The following GJA3 variants were observed in gnomAD, a reference collection of about 807,000 sequenced individuals.
GJA3 encodes the protein gap junction alpha-3 protein.
For missense variants in GJA3, 571 were observed against 620.3 expected (o/e 0.92, Z 0.84); for synonymous variants, 297 against 292.6 (o/e 1.02, Z -0.15).
chr13:20,149,288 T>C (rs1224084822), intron 1 of GJA3, among the ~76,000 whole-genome samples: 2 of 151,848 alleles, frequency 1.3e-5, no homozygotes, highest in Admixed American at 6.6e-5. Flanking sequence ...AGCCCAGGAG[T>C]TCAGGGGCAG....
intron 1 of GJA3, among the ~76,000 whole-genome samples, chr13:20,150,953 C>T (rs1379876018): frequency 2.6e-5 from 4 of 152,212 alleles, no homozygotes; most frequent in African/African-American, 7.2e-5. Context: ...CAATGCAGTG[C>T]AGATGGGTAG....
intron 1 of GJA3, among the ~76,000 whole-genome samples, chr13:20,157,334 A>G (rs1176671046): frequency 2.6e-5 from 4 of 152,212 alleles, no homozygotes; most frequent in Admixed American, 6.5e-5. Context: ...CACTGACCTC[A>G]TAAACACAGT....
At position 20,142,043 on chromosome 13, in the gene GJA3, G is replaced by A. The variant is rs1292275593; in HGVS notation, c.1246C>T (p.Arg416Trp). The stretch of plus-strand genomic sequence containing the variant: ...CTGGCCCTGCTGGCCTTGCTGGCCC[G>A]ACCTGGGTCTCCGAGGGGCAAGGGC... ...QPPLPLGDPG[R>W]ASKASRASSG... Residue 416 changes from arginine to tryptophan, a missense_variant, in exon 2 of 2, where the codon CGG becomes TGG. Arg to Trp is a moderately radical substitution (Grantham distance 101). Coordinates refer to ENST00000241125, the MANE Select transcript of GJA3 (RefSeq NM_021954.4). 1.2e-5 allele frequency: 18 copies of A among 1,550,330 alleles called. No homozygotes were observed. The highest frequency in any genetic ancestry group is 1.5e-5 in the Non-Finnish European group (17 of 1,146,828).
rs753054758 is a variant in GJA3 at position 20,142,936 on chromosome 13, T to C, written c.353A>G (p.Glu118Gly). Residue 118 changes from glutamate to glycine, a missense_variant, in exon 2 of 2, where the codon GAG (glutamate) becomes GGG (glycine). Transcript: ENST00000241125. The stretch of plus-strand genomic sequence containing the variant: ...CGGTGGCTCCTTGGGGCTGGGGCTC[T>C]CTCTCTTCAGCTGCTCCTCCTCCTC... ...EREEEEQLKR[E>G]SPSPKEPPQD... 1.9e-6 allele frequency: 3 copies of C among 1,577,048 alleles called. No homozygotes were observed. The South Asian group carries it at 3.4e-5, about 18-fold the overall frequency.
Position 20,140,040 on chromosome 13 carries a change from G to A in GJA3, c.*1941C>T, listed in dbSNP as rs960605395. 4 of 152,080 alleles carry A rather than the reference G, an allele frequency of 2.6e-5. No individual in the cohort carries two copies. The highest frequency in any genetic ancestry group is 4.4e-5 in the Non-Finnish European group (3 of 68,050). The allele number at this position is 152,080 out of a possible 1,614,324, so 9.4% of individuals were successfully genotyped here. A position where few individuals can be genotyped will look rare whatever the true frequency, so the allele number is the denominator to read the frequency against. ...AGCCCTTATCACTCACAAGAACTAA[G>A]TCCTGCTGCCCTAGGCCTATGGCAT... On this transcript the variant is annotated 3_prime_UTR_variant, in exon 2 of 2. Coordinates refer to ENST00000241125, the MANE Select transcript of GJA3 (RefSeq NM_021954.4).
chr13:20,149,552 A>G (rs1156904499), intron 1 of GJA3, among the ~76,000 whole-genome samples: 2 of 152,202 alleles, frequency 1.3e-5, no homozygotes, highest in Admixed American at 1.3e-4. Context: ...GTGGAGGTGG[A>G]AAAATTCAGC....
chr13:20,150,368 T>C (rs1199958937), intron 1 of GJA3, among the ~76,000 whole-genome samples: 1 of 117,480 alleles, frequency 8.5e-6, no homozygotes, highest in Admixed American at 8.9e-5. Context: ...AGACCACTGC[T>C]CCTGGTGTGT....
chr13:20,142,857 C>T lies in GJA3; in HGVS notation c.432G>A (p.Ala144=), dbSNP rs1365747692. 4.3e-6 allele frequency: 7 copies of T among 1,611,846 alleles called. No individual in the cohort carries two copies. Among genetic ancestry groups the T allele is most frequent in the Middle Eastern group, 1.6e-4 (1 of 6,082 alleles). The change falls in exon 2 of 2, where the codon GCG becomes GCA. Residue 144 remains alanine, a synonymous_variant. Transcript: ENST00000241125. ...TGTTGAAGACGTAGGTCCGCAGCAG[C>T]GCCCCGGCCATGCGCACCCTGCCGC... ...DDRGRVRMAG[A]LLRTYVFNII...
At position 20,142,736 on chromosome 13, in the gene GJA3, G is replaced by T; in HGVS notation, c.553C>A (p.Pro185Thr). The T allele has an allele frequency of 6.2e-7, 1 of 1,613,780 alleles. No individual in the cohort carries two copies. Among genetic ancestry groups the T allele is most frequent in the African/African-American group, 1.3e-5 (1 of 75,052 alleles). Residue 185 changes from proline (P) to threonine (T), a missense_variant, in exon 2 of 2, where the codon CCC (proline) becomes ACC (threonine). Transcript: ENST00000241125. ...LKPLYRCDRWPCPNTVDCFIS... is the reference protein window; with the variant it reads ...LKPLYRCDRWTCPNTVDCFIS... The stretch of plus-strand genomic sequence containing the variant: ...AAGCAGTCCACCGTGTTGGGGCAGG[G>T]CCAGCGGTCGCAGCGGTAGAGCGGC...
chr13:20,156,793 C>T (rs968408988), intron 1 of GJA3, among the ~76,000 whole-genome samples: 30 of 152,248 alleles, frequency 2.0e-4, no homozygotes, highest in African/African-American at 5.8e-4. Flanking sequence ...GCACCATTTC[C>T]ACAGGGAGTT....
chr13:20,161,101 C>A, upstream of GJA3: 1 of 153,626 alleles, frequency 6.5e-6, no homozygotes, highest in South Asian at 1.8e-4. Context: ...GCGCCACGCC[C>A]CCGCCGCCTC....
Position 20,143,062 on chromosome 13 carries a change from CG to C in GJA3, c.226del (p.Arg76AlafsTer40), listed in dbSNP as rs758365384. 1 of 1,613,770 alleles carries C rather than the reference CG, an allele frequency of 6.2e-7. No homozygotes were observed. The highest frequency in any genetic ancestry group is 1.1e-5 in the South Asian group (1 of 90,996). ...GAAGATGATCTGCAGCGCCCAGAAGCGGATGTGGGAGATGGGGAAGGCCCTG... is the reference window on the plus strand; with the variant it reads ...GAAGATGATCTGCAGCGCCCAGAAGCGATGTGGGAGATGGGGAAGGCCCTG... ...YDRAFPISHI[R>X]FWALQIIFVS... is the part of the protein sequence containing the mutation. On this transcript the variant is annotated frameshift_variant, in exon 2 of 2. Coordinates refer to ENST00000241125, the MANE Select transcript of GJA3 (RefSeq NM_021954.4). LOFTEE classifies it low-confidence loss of function (END_TRUNC).
chr13:20,143,331 A>G, intron 1 of GJA3, 26 bp from the exon 2 acceptor site: 1 of 1,468,248 alleles, frequency 6.8e-7, no homozygotes, highest in Non-Finnish European at 9.0e-7. Flanking sequence ...GCTCATGAAC[A>G]CCGGGCTGCA....
intron 1 of GJA3, among the ~76,000 whole-genome samples, chr13:20,159,376 T>C (rs1958924033): frequency 7.3e-6 from 1 of 137,428 alleles, no homozygotes. Flanking sequence ...ACGCCTGTAG[T>C]CCCAGCTACT....
intron 1 of GJA3, among the ~76,000 whole-genome samples, chr13:20,147,000 C>G (rs148892775): frequency 1.3e-5 from 2 of 152,210 alleles, no homozygotes; most frequent in South Asian, 4.1e-4. Context: ...TTCATCCTCC[C>G]TTGTGGCTGG....
rs917942309 is a variant in GJA3, at chr13:20,141,442, C to T, written c.*539G>A. The T allele has an allele frequency of 9.2e-5, 14 of 152,664 alleles. No individual in the cohort carries two copies. Among genetic ancestry groups the T allele is most frequent in the African/African-American group, 3.4e-4 (14 of 41,446 alleles). 9.5% of individuals were successfully genotyped at this position (152,664 alleles called of 1,614,324 possible). ...CATGCAATTTCGGAAACTCAAATGA[C>T]ACTACATAGACTTGCTGTAAATCTT... On this transcript the variant is annotated 3_prime_UTR_variant, in exon 2 of 2. Transcript: ENST00000241125.
chr13:20,149,059 C>G (rs1358491953), intron 1 of GJA3, among the ~76,000 whole-genome samples: 1 of 152,202 alleles, frequency 6.6e-6, no homozygotes, highest in Non-Finnish European at 1.5e-5. Flanking sequence ...TGAAAAGTTA[C>G]GTTTTCCTTT....
chr13:20,142,155 G>C lies in GJA3; in HGVS notation c.1134C>G (p.Ser378Arg), dbSNP rs1958811326. ...GGGCGCTCCCCTCCAGACTGCTGCC[G>C]CTCCCATCCAGCAGCAGGGGCGCCG... ...AGAAPLLLDG[S>R]GSSLEGSALA... Residue 378 changes from serine to arginine, a missense_variant, in exon 2 of 2, where the codon AGC becomes AGG. Transcript: ENST00000241125. 5 of 1,523,738 alleles carry C rather than the reference G, an allele frequency of 3.3e-6. No homozygotes were observed. Among genetic ancestry groups the C allele is most frequent in the East Asian group, 5.0e-5 (2 of 39,918 alleles). 94.4% of individuals were successfully genotyped at this position (1,523,738 alleles called of 1,614,324 possible). A position where few individuals can be genotyped will look rare whatever the true frequency, so the allele number is the denominator to read the frequency against.
rs149933083 is a variant in GJA3 at position 20,142,891 on chromosome 13, C to T, written c.398G>A (p.Arg133Gln). ...KEPPQDNPSS[R>Q]DDRGRVRMAG... is the part of the protein sequence containing the mutation. ...CATGCGCACCCTGCCGCGGTCGTCC[C>T]GCGACGAGGGATTGTCCTGCGGTGG... Residue 133 changes from arginine to glutamine, a missense_variant, in exon 2 of 2, where the codon CGG becomes CAG. By Grantham distance (43) the Arg-to-Gln change is conservative (BLOSUM62 1). Transcript: ENST00000241125. 4,899 of 1,596,504 alleles carry T rather than the reference C, an allele frequency of 3.1e-3. 13 individuals are homozygous for T. The highest frequency in any genetic ancestry group is 3.2e-3 in the Admixed American group (182 of 56,452).
Sources: allele counts gnomAD v4.1 joint callset (sites outside exome capture counted in the v4.1 genomes callset), GRCh38; gene constraint gnomAD v4.1.1; transcripts MANE v1.5; gene names NCBI Gene and HGNC (gene_info 2026-07-23, HGNC 2026-07-21).